Variants in FNBP4 observed in about 807,000 individuals in gnomAD.
FNBP4 encodes formin-binding protein 4.
Under a neutral mutation model 119.3 loss-of-function variants are expected in FNBP4, and 34 were observed. The ratio of observed to expected loss-of-function variants is 0.28; its 90% CI spans 0.22 to 0.38. The LOEUF (loss-of-function observed/expected upper bound fraction) is 0.38. FNBP4 is among the 10% of genes least tolerant of loss of function. The probability of loss-of-function intolerance (pLI) is 1.00; values close to 1 mark genes in which losing one functional copy is unlikely to be tolerated. For missense variants in FNBP4, 1,112 were observed against 1,228.9 expected (o/e 0.90, Z 1.42); for synonymous variants, 462 against 430.6 (o/e 1.07, Z -0.90).
At chr11:47,764,984 T>C (rs2097643749) in intron 2 of FNBP4, among the ~76,000 whole-genome samples, 2 of 151,978 alleles carry the variant, frequency 1.3e-5, no homozygotes, top group Non-Finnish European at 2.9e-5. Context: ...GCATGCCTAA[T>C]GAACACCAAG....
intron 2 of FNBP4, among the ~76,000 whole-genome samples, chr11:47,757,909 A>G (rs1309304128): frequency 6.6e-6 from 1 of 152,192 alleles, no homozygotes; most frequent in Non-Finnish European, 1.5e-5. Flanking sequence ...TCCTGGCCTC[A>G]AATGATTCTC....
At chr11:47,731,739 C>A in intron 11 of FNBP4, 178 bp from the exon 12 acceptor site, 41 of 1,364,838 alleles carry the variant, frequency 3.0e-5, no homozygotes, top group Non-Finnish European at 3.7e-5. Context: ...AAGGATAATT[C>A]AAAGCTATTT....
intron 2 of FNBP4, among the ~76,000 whole-genome samples, chr11:47,756,120 A>G (rs1411445307): frequency 6.6e-6 from 1 of 152,188 alleles, no homozygotes. Context: ...CATGGCTAAA[A>G]CCAATGATCA....
chr11:47,736,619 C>A lies in FNBP4; in HGVS notation c.1578G>T (p.Leu526Phe). The A allele has an allele frequency of 1.3e-6, 2 of 1,588,514 alleles. No homozygotes were observed. The highest frequency in any genetic ancestry group is 1.1e-5 in the South Asian group (1 of 88,868). ...TTPKVEEEQDLKFQIGELANT... is the reference protein window; with the variant it reads ...TTPKVEEEQDFKFQIGELANT... ...TTGCATTAAGTAATATACATACTTT[C>A]AAATCCTGTTCTTCTTCTACTTTTG... is the stretch of plus-strand genomic sequence containing the variant. The change falls in exon 9 of 17, where the codon TTG becomes TTT. Residue 526 changes from leucine (L) to phenylalanine (F), a missense_variant. Transcript: ENST00000263773.
intron 9 of FNBP4, among the ~76,000 whole-genome samples, chr11:47,734,508 T>G (rs1325796378): frequency 2.0e-5 from 3 of 152,130 alleles, no homozygotes. Flanking sequence ...TGAGCCACTG[T>G]GCCCAGCCCA....
Position 47,746,284 on chromosome 11 carries a change from C to T in FNBP4, c.1017G>A (p.Glu339=), listed in dbSNP as rs984979048. The change falls in exon 7 of 17, where the codon GAG becomes GAA. Residue 339 remains glutamate, a synonymous_variant. Transcript: ENST00000263773. Reference sequence around the variant, plus strand: ...TACAAATTACTTTTCTTCTCCATCTCTCTTCTTCTTCTTTTATTCCCTCAG... The same window carrying T: ...TACAAATTACTTTTCTTCTCCATCTTTCTTCTTCTTCTTTTATTCCCTCAG... ...LLPEGIKEEE[E]RWRRKVICKE... The T allele has an allele frequency of 1.9e-6, 3 of 1,613,960 alleles. No individual in the cohort carries two copies. The highest frequency in any genetic ancestry group is 3.3e-4 in the Middle Eastern group (2 of 6,084).
intron 16 of FNBP4, among the ~76,000 whole-genome samples, chr11:47,718,802 TAA>T (rs1477575212): frequency 2.0e-5 from 3 of 151,882 alleles, no homozygotes; most frequent in South Asian, 2.1e-4. Context: ...TTGCTGTGTC[TAA>T]AGTCTTTAAA....
rs1382010545 is a variant in FNBP4 at position 47,724,797 on chromosome 11, G to A, written c.2009-19C>T. ...AGAGAACCTATGAAAACAGGTAAGAGTCAGGGAAAAAGCAAGAAAAAAACT... is the reference window on the plus strand; with the variant it reads ...AGAGAACCTATGAAAACAGGTAAGAATCAGGGAAAAAGCAAGAAAAAAACT... On this transcript the variant is annotated intron_variant, in intron 12 of 16. Coordinates refer to ENST00000263773, the MANE Select transcript of FNBP4 (RefSeq NM_015308.5). 5 of 1,523,504 alleles carry A rather than the reference G, an allele frequency of 3.3e-6. No homozygotes were observed. Among genetic ancestry groups the A allele is most frequent in the Non-Finnish European group, 4.4e-6 (5 of 1,138,822 alleles). 94.4% of individuals were successfully genotyped at this position (1,523,504 alleles called of 1,614,324 possible). A position where few individuals can be genotyped will look rare whatever the true frequency, so the allele number is the denominator to read the frequency against.
At chr11:47,754,767 G>A in intron 2 of FNBP4, 103 bp from the exon 3 acceptor site, 1 of 1,285,304 alleles carries the variant, frequency 7.8e-7, no homozygotes, top group South Asian at 1.4e-5. Context: ...CTTACTTACA[G>A]ATTAGAACAT....
intron 8 of FNBP4, among the ~76,000 whole-genome samples, chr11:47,741,683 G>A (rs1431236014): frequency 6.6e-6 from 1 of 152,136 alleles, no homozygotes; most frequent in African/African-American, 2.4e-5. Flanking sequence ...AGGCGCAGTG[G>A]CAGGCGCCTG....
chr11:47,743,273 A>G (rs2135180069), intron 8 of FNBP4, among the ~76,000 whole-genome samples: 1 of 152,314 alleles, frequency 6.6e-6, no homozygotes, highest in South Asian at 2.1e-4. Context: ...AACTGAGATC[A>G]GGAGTTCGAG....
chr11:47,720,059 A>C lies in FNBP4; in HGVS notation c.2833T>G (p.Ser945Ala). The part of the protein sequence containing the change: ...KAKKSKTKMP[S>A]LVKKWQSIQR... ...ATACTCTGCCACTTTTTTACCAAAGATGGCATTTTGGTCTTACTCTTCTTT... is the reference window on the plus strand; with the variant it reads ...ATACTCTGCCACTTTTTTACCAAAGCTGGCATTTTGGTCTTACTCTTCTTT... The change falls in exon 16 of 17, where the codon TCT becomes GCT. Residue 945 changes from serine (S) to alanine (A), a missense_variant. Physicochemically the swap from Ser to Ala is moderately conservative, Grantham distance 99. Transcript: ENST00000263773. 6.2e-7 allele frequency: 1 copy of C among 1,613,960 alleles called. No individual in the cohort carries two copies. Among genetic ancestry groups the C allele is most frequent in the Non-Finnish European group, 8.5e-7 (1 of 1,179,924 alleles).
intron 6 of FNBP4, among the ~76,000 whole-genome samples, chr11:47,748,866 T>G (rs2097596172): frequency 6.6e-6 from 1 of 152,032 alleles, no homozygotes; most frequent in Non-Finnish European, 1.5e-5. Context: ...AGGCTGGTCT[T>G]GAACTCCTAA....
intron 9 of FNBP4, 33 bp downstream of exon 9, chr11:47,736,583 A>G (rs201337584): frequency 5.7e-5 from 86 of 1,518,472 alleles, no homozygotes; most frequent in Non-Finnish European, 6.6e-5. Flanking sequence ...TAATAATAAA[A>G]ATTTGTCAAG....
chr11:47,744,069 C>T lies in FNBP4; in HGVS notation c.1340G>A (p.Arg447His), dbSNP rs769171410. ...ISQPASQDGM[R>H]RLMSKRGKWK... ...TTTTCCTCTTTTAGACATAAGCCTA[C>T]GCATTCCATCTTGAGATGCTGGCTG... Residue 447 changes from arginine (R) to histidine (H), a missense_variant, in exon 8 of 17, where the codon CGT (arginine) becomes CAT (histidine). Coordinates refer to ENST00000263773, the MANE Select transcript of FNBP4 (RefSeq NM_015308.5). The T allele has an allele frequency of 1.2e-5, 20 of 1,614,008 alleles. No individual in the cohort carries two copies. Among genetic ancestry groups the T allele is most frequent in the South Asian group, 8.8e-5 (8 of 91,090 alleles).
At chr11:47,747,217 G>A (rs1477775535) in intron 6 of FNBP4, among the ~76,000 whole-genome samples, 1 of 151,810 alleles carries the variant, frequency 6.6e-6, no homozygotes, top group Non-Finnish European at 1.5e-5. Context: ...TTTTGTTTCT[G>A]TTTTTGAGAC....
chr11:47,754,438 G>T, intron 3 of FNBP4, 90 bp downstream of exon 3: 1 of 1,201,290 alleles, frequency 8.3e-7, no homozygotes, highest in Admixed American at 2.1e-5. Flanking sequence ...GGAGGAGGAA[G>T]ACATTGAACT....
rs779337254 is a variant in FNBP4, at chr11:47,765,339, C to T, written c.244G>A (p.Val82Ile). 3 of 1,600,966 alleles carry T rather than the reference C, an allele frequency of 1.9e-6. No individual in the cohort carries two copies. Among genetic ancestry groups the T allele is most frequent in the South Asian group, 2.3e-5 (2 of 88,230 alleles). Residue 82 changes from valine to isoleucine, a missense_variant, in exon 2 of 17, where the codon GTT becomes ATT. Transcript: ENST00000263773. ...GGAGGATTCTGAACAACTCTAGGAA[C>T]CTCCTGCACCGCTTCCTGTTCATCT... is the stretch of plus-strand genomic sequence containing the variant. ...SEDEQEAVQEVPRVVQNPPKP... is the reference protein window; with the variant it reads ...SEDEQEAVQEIPRVVQNPPKP...
chr11:47,752,869 C>T, intron 4 of FNBP4, 47 bp downstream of exon 4: 1 of 1,486,164 alleles, frequency 6.7e-7, no homozygotes. Context: ...GCCTAGAATC[C>T]CTTTAAGGAT....
Sources: allele counts gnomAD v4.1 joint callset (sites outside exome capture counted in the v4.1 genomes callset), GRCh38; gene constraint gnomAD v4.1.1; transcripts MANE v1.5; gene names NCBI Gene and HGNC (gene_info 2026-07-23, HGNC 2026-07-21).